Variants in GORAB observed in about 807,000 individuals in gnomAD.
GORAB encodes RAB6-interacting golgin.
Under a neutral mutation model 29.9 loss-of-function variants are expected in GORAB, and 17 were observed. That is an observed-to-expected ratio of 0.57 (90% CI 0.39 to 0.85). The LOEUF is 0.85. GORAB is among the 40% of genes least tolerant of loss of function. GORAB has a pLI of 0.00. For synonymous variants in GORAB, 183 were observed against 157.2 expected, an observed-to-expected ratio of 1.16 and a Z score of -1.23; for missense variants, 442 against 437.8, an observed-to-expected ratio of 1.01 and a Z score of -0.09.
In GORAB at chr1:170,552,559, A is replaced by G; in HGVS notation, c.*97A>G. The G allele has an allele frequency of 9.7e-7, 1 of 1,030,812 alleles. No individual in the cohort carries two copies. The highest frequency in any genetic ancestry group is 1.3e-5 in the South Asian group (1 of 78,434). The allele number at this position is 1,030,812 out of a possible 1,614,324, so 63.9% of individuals were successfully genotyped here. ...CTCCAATAAAAACCTCTTTAAAACA[A>G]TGCTGATTTTTGAATTCATGATTAG... On this transcript the variant is annotated 3_prime_UTR_variant, in exon 5 of 5. Transcript: ENST00000367763.
At chr1:170,551,788 A>C (rs1650124680) in intron 4 of GORAB, among the ~76,000 whole-genome samples, 1 of 152,270 alleles carries the variant, frequency 6.6e-6, no homozygotes, top group Non-Finnish European at 1.5e-5. Context: ...TTCGTGCAGA[A>C]TAACATGTTT....
chr1:170,553,716 C>T lies in GORAB; in HGVS notation c.*1254C>T. ...TGAAAGTATAACATTTTACTACTGA[C>T]TTCTCTAAACAGAAGCATTTCTATA... On this transcript the variant is annotated 3_prime_UTR_variant, in exon 5 of 5. Coordinates refer to ENST00000367763, the MANE Select transcript of GORAB (RefSeq NM_152281.3). 2.2e-6 allele frequency: 1 copy of T among 449,266 alleles called. No individual in the cohort carries two copies. The highest frequency in any genetic ancestry group is 4.4e-6 in the Non-Finnish European group (1 of 225,690). The allele number at this position is 449,266 out of a possible 1,614,324, so 27.8% of individuals were successfully genotyped here.
chr1:170,537,768 AT>A (rs1649152198), intron 1 of GORAB, among the ~76,000 whole-genome samples: 2 of 152,004 alleles, frequency 1.3e-5, no homozygotes, highest in African/African-American at 4.8e-5. Flanking sequence ...GGGAAGCAAT[AT>A]GTTCTGTGTT....
In GORAB at chr1:170,539,419, C is replaced by G. The variant is rs977675431; in HGVS notation, c.271C>G (p.Leu91Val). The G allele has an allele frequency of 1.2e-6, 2 of 1,614,118 alleles. No homozygotes were observed. The highest frequency in any genetic ancestry group is 1.1e-5 in the South Asian group (1 of 91,084). The part of the protein sequence containing the change: ...SSPTLPSHFT[L>V]TSPVGDGQPQ... ...CCCTACTCTTCCGAGTCATTTCACT[C>G]TCACCTCCCCCGTTGGTGATGGACA... Residue 91 changes from leucine (L) to valine (V), a missense_variant, in exon 2 of 5, where the codon CTC becomes GTC. Leu to Val is a conservative substitution (Grantham distance 32). Transcript: ENST00000367763.
At chr1:170,533,390 C>G in intron 1 of GORAB, 1 of 315,848 alleles carries the variant, frequency 3.2e-6, no homozygotes, top group East Asian at 7.5e-5. Flanking sequence ...AGTTAACTGA[C>G]TCTGTGTTGC....
At chr1:170,537,087 C>T (rs539676962) in intron 1 of GORAB, among the ~76,000 whole-genome samples, 1 of 152,126 alleles carries the variant, frequency 6.6e-6, no homozygotes, top group East Asian at 1.9e-4. Context: ...TCCTTTCTTC[C>T]TGCCTGCCTT....
rs868380549 is a variant in GORAB, at chr1:170,539,525, C to T, written c.377C>T (p.Pro126Leu). ...GGTCACAACAATGTTGAGATTCTAC[C>T]TCCAAAGCCAGATTGCAAATTGGAG... Reference protein sequence around the residue: ...HDGHNNVEILPPKPDCKLEKK... With the variant: ...HDGHNNVEILLPKPDCKLEKK... Residue 126 changes from proline (P) to leucine (L), a missense_variant, in exon 2 of 5, where the codon CCT becomes CTT. Transcript: ENST00000367763. The T allele has an allele frequency of 1.9e-6, 3 of 1,613,974 alleles. No homozygotes were observed. In the Middle Eastern group the frequency reaches 5.0e-4, roughly 266 times the overall value.
chr1:170,540,946 T>C (rs1414908032), intron 2 of GORAB, among the ~76,000 whole-genome samples: 1 of 152,144 alleles, frequency 6.6e-6, no homozygotes, highest in Non-Finnish European at 1.5e-5. Context: ...CCCACACCTA[T>C]AATCCCAGCA....
At chr1:170,545,189 A>G (rs1649681903) in intron 4 of GORAB, 3 of 1,013,494 alleles carry the variant, frequency 3.0e-6, no homozygotes, top group South Asian at 8.6e-5. Context: ...GGTTTCGCCA[A>G]AACTGTTACT....
At chr1:170,537,019 A>G (rs1259759755) in intron 1 of GORAB, among the ~76,000 whole-genome samples, 3 of 152,160 alleles carry the variant, frequency 2.0e-5, no homozygotes, top group African/African-American at 7.2e-5. Context: ...ATTTAACCCA[A>G]AAATGTATGT....
At position 170,546,126 on chromosome 1, in the gene GORAB, C is replaced by T. The variant is rs182539889; in HGVS notation, c.662+1281C>T. 4.9e-3 allele frequency among the ~76,000 whole-genome samples: 750 copies of T among 152,230 alleles called. 9 individuals carry two copies. The highest frequency in any genetic ancestry group is 0.017 in the African/African-American group (707 of 41,536). On this transcript the variant is annotated intron_variant, in intron 4 of 4. Coordinates refer to ENST00000367763, the MANE Select transcript of GORAB (RefSeq NM_152281.3). ...AAATTTGAGGCCGGGCACGGTGGCT[C>T]ACGCCTGTAATCTCAGCATTTTGGG...
Position 170,544,576 on chromosome 1 carries a change from A to AT in GORAB, c.522-122dup, listed in dbSNP as rs138045019. 1,449 of 658,524 alleles carry AT rather than the reference A, an allele frequency of 2.2e-3. 14 individuals carry two copies. In the African/African-American group the frequency reaches 0.023, roughly 11 times the overall value. 40.8% of individuals were successfully genotyped at this position (658,524 alleles called of 1,614,324 possible). A position where few individuals can be genotyped will look rare whatever the true frequency, so the allele number is the denominator to read the frequency against. ...CTTTTACTTTATTTCAATTTTTCTG[A>AT]TTTTTTTCTAACTTTTAAAATATAA... On this transcript the variant is annotated intron_variant, in intron 3 of 4. Coordinates refer to ENST00000367763, the MANE Select transcript of GORAB (RefSeq NM_152281.3).
At position 170,551,864 on chromosome 1, in the gene GORAB, A is replaced by G. The variant is rs1264898041; in HGVS notation, c.663-151A>G. The G allele has an allele frequency of 2.0e-5, 14 of 689,008 alleles. No homozygotes were observed. The East Asian group carries it at 3.6e-4, about 18-fold the overall frequency. The allele number at this position is 689,008 out of a possible 1,614,324, so 42.7% of individuals were successfully genotyped here. A position where few individuals can be genotyped will look rare whatever the true frequency, so the allele number is the denominator to read the frequency against. On this transcript the variant is annotated intron_variant, in intron 4 of 4. Coordinates refer to ENST00000367763, the MANE Select transcript of GORAB (RefSeq NM_152281.3). ...GCAGCCATAGCCTAGTCTGGCCAAC[A>G]TGTAGACAAGTGTTTGTAAAGTAGT... is the stretch of plus-strand genomic sequence containing the variant.
At chr1:170,547,776 T>TA (rs1402002977) in intron 4 of GORAB, among the ~76,000 whole-genome samples, 1 of 152,214 alleles carries the variant, frequency 6.6e-6, no homozygotes, top group Non-Finnish European at 1.5e-5. Context: ...AGAGTATAGT[T>TA]ACATCCTTGT....
In GORAB at chr1:170,552,755, G is replaced by A; in HGVS notation, c.*293G>A. 2 of 487,382 alleles carry A rather than the reference G, an allele frequency of 4.1e-6. No homozygotes were observed. Among genetic ancestry groups the A allele is most frequent in the Non-Finnish European group, 8.0e-6 (2 of 249,266 alleles). The allele number at this position is 487,382 out of a possible 1,614,324, so 30.2% of individuals were successfully genotyped here. On this transcript the variant is annotated 3_prime_UTR_variant, in exon 5 of 5. Transcript: ENST00000367763. ...GGAAGAAAAACTACATGGTTGGAGT[G>A]TTTTTAGATCAGATAAATATAGAAA... is the stretch of plus-strand genomic sequence containing the variant.
At chr1:170,538,107 TA>T (rs1649167926) in intron 1 of GORAB, among the ~76,000 whole-genome samples, 1 of 152,216 alleles carries the variant, frequency 6.6e-6, no homozygotes, top group Non-Finnish European at 1.5e-5. Context: ...ATTTAATTCT[TA>T]CACCAACTTC....
intron 3 of GORAB, among the ~76,000 whole-genome samples, chr1:170,543,762 A>G (rs1300776122): frequency 6.6e-6 from 1 of 152,028 alleles, no homozygotes; most frequent in Non-Finnish European, 1.5e-5. Flanking sequence ...AGTTCTTCTC[A>G]TAAGTGCTTT....
At position 170,553,770 on chromosome 1, in the gene GORAB, A is replaced by G. The variant is rs1650277801; in HGVS notation, c.*1308A>G. The G allele has an allele frequency of 2.2e-6, 1 of 453,666 alleles. No homozygotes were observed. Among genetic ancestry groups the G allele is most frequent in the Non-Finnish European group, 4.4e-6 (1 of 226,690 alleles). The allele number at this position is 453,666 out of a possible 1,614,324, so 28.1% of individuals were successfully genotyped here. ...AGTTGTGCTTTTATTTATGAAATAC[A>G]TAAAAGCCAACAGTTTCATTGTCTA... On this transcript the variant is annotated 3_prime_UTR_variant, in exon 5 of 5. Transcript: ENST00000367763.
At position 170,552,091 on chromosome 1, in the gene GORAB, C is replaced by G. The variant is rs1195718386; in HGVS notation, c.739C>G (p.Gln247Glu). The change falls in exon 5 of 5, where the codon CAA becomes GAA. Residue 247 changes from glutamine to glutamate, a missense_variant. Gln to Glu is a conservative substitution (Grantham distance 29). Coordinates refer to ENST00000367763, the MANE Select transcript of GORAB (RefSeq NM_152281.3). Reference protein sequence around the residue: ...DIQRKTEIKEQLTEHLCTIIQ... With the variant: ...DIQRKTEIKEELTEHLCTIIQ... ...ACAGCGCAAGACTGAGATAAAAGAG[C>G]AACTCACTGAACACCTTTGTACGAT... is the stretch of plus-strand genomic sequence containing the variant. The G allele has an allele frequency of 1.2e-6, 2 of 1,614,034 alleles. No homozygotes were observed.
Sources: gnomAD v4.1 joint callset for allele counts (sites outside exome capture counted in the v4.1 genomes callset) on GRCh38, gnomAD v4.1.1 for gene constraint, MANE v1.5 for transcripts, NCBI Gene and HGNC (gene_info 2026-07-23, HGNC 2026-07-21) for gene names.